The following ZNF888 variants were observed in gnomAD, a reference collection of about 807,000 sequenced individuals.
ZNF888 encodes the protein CTD-2331H12.6.
A neutral mutation model predicts 7.2 loss-of-function variants in ZNF888; 5 were observed. The observed-to-expected ratio is 0.70, with a 90% CI of 0.36 to 1.46. The LOEUF (loss-of-function observed/expected upper bound fraction) is 1.46. Ranked by LOEUF, ZNF888 falls within the 40% of genes most tolerant of loss-of-function variation. The pLI is 0.03. For missense variants in ZNF888, 716 were observed against 858.0 expected, an observed-to-expected ratio of 0.83 and a Z score of 2.07; for synonymous variants, 240 against 284.3, an observed-to-expected ratio of 0.84 and a Z score of 1.57.
chr19:52,917,359 TG>T (rs1228316141), intron 3 of ZNF888: 3 of 256,802 alleles, frequency 1.2e-5, no homozygotes, highest in African/African-American at 6.8e-5. Context: ...TTTGTATTTT[TG>T]CTAGAGACAG....
intron 1 of ZNF888, among the ~76,000 whole-genome samples, chr19:52,922,064 C>T (rs908314677): frequency 5.9e-5 from 9 of 151,898 alleles, no homozygotes; most frequent in African/African-American, 2.2e-4. Context: ...CCTGTATTCC[C>T]AGCACTTTGG....
At chr19:52,920,025 G>T (rs2064805864) in intron 1 of ZNF888, among the ~76,000 whole-genome samples, 1 of 52,716 alleles carries the variant, frequency 1.9e-5, no homozygotes, top group Non-Finnish European at 4.2e-5. Context: ...GGGAAGTGAG[G>T]ACCCCTCTGC....
intron 2 of ZNF888, among the ~76,000 whole-genome samples, 193 bp downstream of exon 2, chr19:52,918,626 A>G (rs2064777307): frequency 6.6e-6 from 1 of 152,096 alleles, no homozygotes; most frequent in Non-Finnish European, 1.5e-5. Context: ...AAAAGTAGCC[A>G]GGCTTTGTGG....
chr19:52,911,529 G>A (rs1007259132), intron 4 of ZNF888, among the ~76,000 whole-genome samples: 3 of 151,632 alleles, frequency 2.0e-5, no homozygotes, highest in Non-Finnish European at 4.4e-5. Context: ...TAGTAGAGAC[G>A]GGGTTTCACC....
intron 2 of ZNF888, among the ~76,000 whole-genome samples, chr19:52,918,439 G>A (rs146417430): frequency 5.8e-4 from 88 of 152,272 alleles, no homozygotes; most frequent in African/African-American, 2.0e-3. Context: ...TTTGAGACCA[G>A]CCTGGCAAAC....
At chr19:52,918,248 C>G (rs7245999) in intron 2 of ZNF888, 763,007 of 982,740 alleles carry the variant, frequency 0.78, 296,687 homozygotes, top group Admixed American at 0.8. Flanking sequence ...CCAGCACTCT[C>G]GGAGACCAAG....
At chr19:52,919,808 G>A (rs1255618661) in intron 1 of ZNF888, among the ~76,000 whole-genome samples, 1 of 59,378 alleles carries the variant, frequency 1.7e-5, no homozygotes, top group African/African-American at 5.7e-5. Context: ...CTGCTGGGCC[G>A]CAACCCTGTC....
intron 1 of ZNF888, among the ~76,000 whole-genome samples, chr19:52,920,521 AAAAAAGAAAAG>A (rs2064813711): frequency 2.3e-5 from 1 of 43,664 alleles, no homozygotes; most frequent in Non-Finnish European, 4.8e-5. Context: ...AAAAAAGAAA[AAAAAAGAAAAG>A]GAAAAAAAAA....
At chr19:52,913,009 A>C (rs1037600844) in intron 4 of ZNF888, among the ~76,000 whole-genome samples, 8 of 152,176 alleles carry the variant, frequency 5.3e-5, no homozygotes, top group African/African-American at 1.9e-4. Flanking sequence ...CCGGAGGCTG[A>C]GGCAGGAGAA....
At chr19:52,908,844 CAAA>C (rs11326533) in intron 4 of ZNF888, among the ~76,000 whole-genome samples, 17 of 81,242 alleles carry the variant, frequency 2.1e-4, no homozygotes, top group Non-Finnish European at 1.7e-4. Context: ...AGACTCGAGT[CAAA>C]AAAAAAAAAA....
At chr19:52,909,695 G>C (rs1401865169) in intron 4 of ZNF888, among the ~76,000 whole-genome samples, 2 of 151,916 alleles carry the variant, frequency 1.3e-5, no homozygotes, top group East Asian at 3.9e-4. Context: ...GATAAAACAA[G>C]CAAGAAAATA....
intron 1 of ZNF888, chr19:52,921,713 A>G: frequency 1.1e-6 from 1 of 927,084 alleles, no homozygotes; most frequent in African/African-American, 1.8e-5. Flanking sequence ...GGATCACCTG[A>G]GTTCAGCAAT....
rs775638865 is a variant in ZNF888, at chr19:52,917,431, GA to G, written c.15+427del. 25 of 455,218 alleles carry G rather than the reference GA, an allele frequency of 5.5e-5. 1 individual carries two copies. Among genetic ancestry groups the G allele is most frequent in the Non-Finnish European group, 9.1e-5 (23 of 251,548 alleles). 28.2% of individuals were successfully genotyped at this position (455,218 alleles called of 1,614,324 possible). ...TAAAAATGTAGTTTAATATCAGGCAGAAAACATTTCCTCTTATCGGTCTTTT... is the reference window on the plus strand; with the variant it reads ...TAAAAATGTAGTTTAATATCAGGCAGAAACATTTCCTCTTATCGGTCTTTT... On this transcript the variant is annotated intron_variant, in intron 3 of 4. Transcript: ENST00000638862.
chr19:52,915,513 C>T (rs745396466), intron 3 of ZNF888, among the ~76,000 whole-genome samples, 191 bp from the exon 4 acceptor site: 4 of 62,712 alleles, frequency 6.4e-5, no homozygotes, highest in Non-Finnish European at 1.1e-4. Flanking sequence ...GTCGCCCTGT[C>T]GCCCAGGCTG....
intron 4 of ZNF888, among the ~76,000 whole-genome samples, chr19:52,910,828 G>C (rs2064669278): frequency 6.6e-6 from 1 of 152,144 alleles, no homozygotes; most frequent in Non-Finnish European, 1.5e-5. Context: ...CTTTGAGATT[G>C]AGTCATGCTC....
In ZNF888 at chr19:52,906,326, C is replaced by A; in HGVS notation, c.1996G>T (p.Val666Phe). The A allele has an allele frequency of 6.2e-7, 1 of 1,613,764 alleles. No individual in the cohort carries two copies. Among genetic ancestry groups the A allele is most frequent in the South Asian group, 1.1e-5 (1 of 91,052 alleles). ...TAACACTTGAAAGCCTTGTCACAAACCTTACATTTGTATGGTTTCTCTCCA... is the reference window on the plus strand; with the variant it reads ...TAACACTTGAAAGCCTTGTCACAAAACTTACATTTGTATGGTTTCTCTCCA... ...HTGEKPYKCK[V>F]CDKAFKCYSH... The change falls in exon 5 of 5, where the codon GTT becomes TTT. Residue 666 changes from valine to phenylalanine, a missense_variant. Transcript: ENST00000638862.
At chr19:52,913,830 T>A in intron 4 of ZNF888, 1 of 773,046 alleles carries the variant, frequency 1.3e-6, no homozygotes, top group Non-Finnish European at 1.6e-6. Context: ...GACAAAACTA[T>A]TTAAAATAAT....
Position 52,907,657 on chromosome 19 carries a change from G to C in ZNF888, c.665C>G (p.Ser222Cys), listed in dbSNP as rs974834459. Residue 222 changes from serine (S) to cysteine (C), a missense_variant, in exon 5 of 5, where the codon TCC (serine) becomes TGC (cysteine). Transcript: ENST00000638862. ...TTTAAAGAGTGAGCTACAATTAAAG[G>C]ATTTGCCACTCTCATTAAATTGGAA... The part of the protein sequence containing the change: ...KSFQFNESGK[S>C]FNCSSLFKKH... 3.1e-6 allele frequency: 5 copies of C among 1,605,906 alleles called. No homozygotes were observed. Among genetic ancestry groups the C allele is most frequent in the Non-Finnish European group, 4.2e-6 (5 of 1,176,840 alleles).
At chr19:52,922,186 G>A (rs2064828583) in intron 1 of ZNF888, among the ~76,000 whole-genome samples, 1 of 152,078 alleles carries the variant, frequency 6.6e-6, no homozygotes, top group Admixed American at 6.6e-5. Flanking sequence ...TCCATCCACA[G>A]CTTATTTAAC....
Sources: allele counts gnomAD v4.1 joint callset (sites outside exome capture counted in the v4.1 genomes callset), GRCh38; gene constraint gnomAD v4.1.1; transcripts MANE v1.5; gene names NCBI Gene and HGNC (gene_info 2026-07-23, HGNC 2026-07-21).